XPR1: variants seen among roughly 807,000 people sequenced by gnomAD.
The protein encoded by XPR1 is xenotropic and polytropic retrovirus receptor 1.
In XPR1, 28 loss-of-function variants were observed where a neutral mutation model predicts 87.5. That is an observed-to-expected ratio of 0.32 (90% CI 0.24 to 0.44). The LOEUF is 0.44. Among genes scored for constraint, XPR1 ranks in the 20% least tolerant of loss-of-function variants. XPR1 has a pLI of 1.00. For synonymous variants in XPR1, 300 were observed against 306.1 expected, an observed-to-expected ratio of 0.98 and a Z score of 0.21; for missense variants, 559 against 862.3, an observed-to-expected ratio of 0.65 and a Z score of 4.41.
intron 11 of XPR1, among the ~76,000 whole-genome samples, chr1:180,839,962 G>T (rs1457780419): frequency 6.6e-6 from 1 of 151,654 alleles, no homozygotes; most frequent in Non-Finnish European, 1.5e-5. Context: ...GGTGGCTCAC[G>T]CCTGTAATCC....
intron 11 of XPR1, among the ~76,000 whole-genome samples, chr1:180,838,545 T>C (rs2102173050): frequency 6.6e-6 from 1 of 152,340 alleles, no homozygotes; most frequent in South Asian, 2.1e-4. Context: ...TTAGATAGTA[T>C]TGTGGGCTTA....
rs982728137 is a variant in XPR1 at position 180,868,596 on chromosome 1, C to T, written c.1668+4722C>T. Reference sequence around the variant, plus strand: ...AAGCAATTGTGAATGGGAGTTCACTCATGATTTGGCTCTCTGTTTGTCTGT... The same window carrying T: ...AAGCAATTGTGAATGGGAGTTCACTTATGATTTGGCTCTCTGTTTGTCTGT... On this transcript the variant is annotated intron_variant, in intron 12 of 14. Transcript: ENST00000367590. Among the ~76,000 whole-genome samples, 268 of 128,834 alleles carry T rather than the reference C, an allele frequency of 2.1e-3. 8 individuals carry two copies. The highest frequency in any genetic ancestry group is 8.3e-3 in the African/African-American group (253 of 30,586). 84.5% of individuals were successfully genotyped at this position (128,834 alleles called of 152,430 possible).
Position 180,840,700 on chromosome 1 carries a change from A to G in XPR1, c.1501+3984A>G, listed in dbSNP as rs183584146. Among the ~76,000 whole-genome samples, 53 of 151,994 alleles carry G rather than the reference A, an allele frequency of 3.5e-4. No individual in the cohort carries two copies. The East Asian group carries it at 9.3e-3, about 27-fold the overall frequency. On this transcript the variant is annotated intron_variant, in intron 11 of 14. Coordinates refer to ENST00000367590, the MANE Select transcript of XPR1 (RefSeq NM_004736.4). Reference sequence around the variant, plus strand: ...ATCTTAATCATATTGCTAAAATAAAAAAAACCTTATAGTTACATGTTAAAT... The same window carrying G: ...ATCTTAATCATATTGCTAAAATAAAGAAAACCTTATAGTTACATGTTAAAT...
chr1:180,877,417 A>G (rs910703456), intron 13 of XPR1, among the ~76,000 whole-genome samples: 1 of 152,198 alleles, frequency 6.6e-6, no homozygotes, highest in Non-Finnish European at 1.5e-5. Flanking sequence ...AAAGGTGGCT[A>G]CATAACAGTG....
intron 2 of XPR1, among the ~76,000 whole-genome samples, chr1:180,767,021 A>G (rs1648310260): frequency 6.6e-6 from 1 of 152,206 alleles, no homozygotes; most frequent in Non-Finnish European, 1.5e-5. Flanking sequence ...GACAAAAAGT[A>G]AATTCTGAAG....
At chr1:180,732,843 A>G (rs1251359851) in intron 2 of XPR1, among the ~76,000 whole-genome samples, 1 of 152,220 alleles carries the variant, frequency 6.6e-6, no homozygotes, top group Non-Finnish European at 1.5e-5. Context: ...GAAGAATCGG[A>G]TCACACTTGG....
At position 180,763,605 on chromosome 1, in the gene XPR1, A is replaced by G. The variant is rs1648138473; in HGVS notation, c.122-24148A>G. 2.0e-5 allele frequency among the ~76,000 whole-genome samples: 3 copies of G among 152,344 alleles called. 1 individual carries two copies. Among genetic ancestry groups the G allele is most frequent in the Admixed American group, 2.0e-4 (3 of 15,304 alleles). ...GATAAGAGCAATGATGAAGATGATG[A>G]TGTTTAACACAGTAGAAAAAGTGCC... On this transcript the variant is annotated intron_variant, in intron 2 of 14. Coordinates refer to ENST00000367590, the MANE Select transcript of XPR1 (RefSeq NM_004736.4).
intron 2 of XPR1, among the ~76,000 whole-genome samples, chr1:180,771,132 G>A (rs1240831531): frequency 1.3e-5 from 2 of 152,130 alleles, no homozygotes; most frequent in Admixed American, 6.5e-5. Context: ...TAAATAGCAT[G>A]GTGCCTGGCA....
chr1:180,825,170 T>C lies in XPR1; in HGVS notation c.960T>C (p.Ala320=), dbSNP rs757129838. 6.2e-7 allele frequency: 1 copy of C among 1,604,434 alleles called. No individual in the cohort carries two copies. The highest frequency in any genetic ancestry group is 2.2e-5 in the East Asian group (1 of 44,820). Residue 320 remains alanine, a synonymous_variant, in exon 9 of 15, where the codon GCT becomes GCC. Transcript: ENST00000367590. The part of the protein sequence containing the change: ...NLSHQHLFEI[A]GFLGILWCLS... Reference sequence around the variant, plus strand: ...TCTTCCCCATCCTTTACTAGATTGCTGGATTCCTCGGGATATTGTGGTGCC... The same window carrying C: ...TCTTCCCCATCCTTTACTAGATTGCCGGATTCCTCGGGATATTGTGGTGCC...
Position 180,787,809 on chromosome 1 carries a change from C to G in XPR1, c.178C>G (p.Gln60Glu), listed in dbSNP as rs1336414420. 6.2e-7 allele frequency: 1 copy of G among 1,613,098 alleles called. No individual in the cohort carries two copies. Among genetic ancestry groups the G allele is most frequent in the Non-Finnish European group, 8.5e-7 (1 of 1,179,652 alleles). Residue 60 changes from glutamine to glutamate, a missense_variant, in exon 3 of 15, where the codon CAA becomes GAA. Physicochemically the swap from Gln to Glu is conservative, Grantham distance 29. Around this residue, in one of 7 missense-constraint regions of XPR1, gnomAD observed 159 missense variants for 263.3 expected, o/e 0.60. Transcript: ENST00000367590. ...TGCCAAGTTTGAAGAGAAGTTTTTC[C>G]AAACCTGTGAAAAAGAACTTGCCAA... Reference protein sequence around the residue: ...YFAKFEEKFFQTCEKELAKIN... With the variant: ...YFAKFEEKFFETCEKELAKIN...
chr1:180,763,056 ACAG>A (rs1648114271), intron 2 of XPR1, among the ~76,000 whole-genome samples: 1 of 152,202 alleles, frequency 6.6e-6, no homozygotes, highest in Non-Finnish European at 1.5e-5. Flanking sequence ...TTATTCCTTG[ACAG>A]CTGTTCATCC....
rs549420612 is a variant in XPR1, at chr1:180,755,051, C to T, written c.122-32702C>T. The stretch of plus-strand genomic sequence containing the variant: ...TCTAACTTTTAGAGAAGGAAGTTAC[C>T]GATATGGAGAAGGAGAAAACTAGAA... On this transcript the variant is annotated intron_variant, in intron 2 of 14. Transcript: ENST00000367590. Among the ~76,000 whole-genome samples, 18 of 152,060 alleles carry T rather than the reference C, an allele frequency of 1.2e-4. No homozygotes were observed. In the South Asian group the frequency reaches 2.1e-3, roughly 18 times the overall value.
chr1:180,694,917 T>C (rs1211143491), intron 2 of XPR1, among the ~76,000 whole-genome samples: 1 of 152,182 alleles, frequency 6.6e-6, no homozygotes, highest in East Asian at 1.9e-4. Context: ...TTCTTTTCTT[T>C]GGATTGGGGG....
intron 2 of XPR1, among the ~76,000 whole-genome samples, chr1:180,730,841 A>G (rs372474637): frequency 1.5e-5 from 2 of 132,340 alleles, no homozygotes; most frequent in Non-Finnish European, 3.2e-5. Context: ...TTTTTTTTTT[A>G]TTTTTTGTAG....
chr1:180,634,396 A>G (rs1654695924), intron 1 of XPR1, among the ~76,000 whole-genome samples: 1 of 152,170 alleles, frequency 6.6e-6, no homozygotes, highest in African/African-American at 2.4e-5. Context: ...CCAATATTTT[A>G]TAGGGTTGGA....
chr1:180,661,462 A>G (rs1461055212), intron 1 of XPR1, among the ~76,000 whole-genome samples: 4 of 138,896 alleles, frequency 2.9e-5, no homozygotes, highest in Non-Finnish European at 4.6e-5. Context: ...CTCTGCTGGT[A>G]TGTTTTAATT....
chr1:180,876,847 G>C (rs1006139874), intron 13 of XPR1, among the ~76,000 whole-genome samples: 2 of 152,166 alleles, frequency 1.3e-5, no homozygotes, highest in African/African-American at 4.8e-5. Context: ...TGTGTCTGCT[G>C]TTCCCACTTT....
chr1:180,783,042 T>C (rs1412445729), intron 2 of XPR1, among the ~76,000 whole-genome samples: 2 of 152,080 alleles, frequency 1.3e-5, no homozygotes, highest in African/African-American at 2.4e-5. Context: ...TAGAAATTGA[T>C]GTTCTGTAAA....
chr1:180,684,685 C>T (rs1173122761), intron 2 of XPR1, among the ~76,000 whole-genome samples: 4 of 152,114 alleles, frequency 2.6e-5, no homozygotes, highest in South Asian at 2.1e-4. Flanking sequence ...TTGTAGTTCT[C>T]CCTGAAGAGG....
Sources: gnomAD v4.1 joint callset for allele counts (sites outside exome capture counted in the v4.1 genomes callset) on GRCh38, gnomAD v4.1.1 for gene constraint, gnomAD v4.1.1 regional missense constraint, MANE v1.5 for transcripts, NCBI Gene and HGNC (gene_info 2026-07-23, HGNC 2026-07-21) for gene names.